KCNIP4: variants seen among roughly 807,000 people sequenced by gnomAD.
KCNIP4 encodes Kv channel-interacting protein 4.
A neutral mutation model predicts 34.0 loss-of-function variants in KCNIP4; 12 were observed. The ratio of observed to expected loss-of-function variants is 0.35; its 90% CI spans 0.23 to 0.57. KCNIP4 has a LOEUF of 0.57. KCNIP4 is among the 20% of genes least tolerant of loss of function. The pLI, the probability that KCNIP4 is intolerant of heterozygous loss-of-function variation, is 0.83. For synonymous variants in KCNIP4, 124 were observed against 102.2 expected (o/e 1.21, Z -1.29); for missense variants, 238 against 311.7 (o/e 0.76, Z 1.78).
chr4:20,777,799 G>A (rs1756501600), intron 3 of KCNIP4, among the ~76,000 whole-genome samples: 1 of 152,178 alleles, frequency 6.6e-6, no homozygotes, highest in Non-Finnish European at 1.5e-5. Context: ...GAGAAGTTGG[G>A]AAACCAGTAA....
At chr4:21,275,797 C>T (rs1454412329) in intron 1 of KCNIP4, among the ~76,000 whole-genome samples, 3 of 152,210 alleles carry the variant, frequency 2.0e-5, no homozygotes, top group Non-Finnish European at 2.9e-5. Flanking sequence ...ATTCCAATTG[C>T]GGAGGCTTTG....
chr4:21,119,921 T>G (rs893781410), intron 1 of KCNIP4, among the ~76,000 whole-genome samples: 10 of 152,070 alleles, frequency 6.6e-5, no homozygotes, highest in African/African-American at 2.4e-4. Flanking sequence ...CTTTGTGAGG[T>G]TTAGAAACAC....
chr4:21,283,335 C>A (rs906232556), intron 1 of KCNIP4, among the ~76,000 whole-genome samples: 1 of 152,022 alleles, frequency 6.6e-6, no homozygotes, highest in Non-Finnish European at 1.5e-5. Context: ...ATTTTTCCTT[C>A]ATAAAATTAT....
At chr4:21,922,282 A>T (rs1728979982) in intron 1 of KCNIP4, among the ~76,000 whole-genome samples, 1 of 152,126 alleles carries the variant, frequency 6.6e-6, no homozygotes, top group Admixed American at 6.5e-5. Flanking sequence ...CCTTCCCAAC[A>T]AGCACTGTCT....
intron 1 of KCNIP4, among the ~76,000 whole-genome samples, chr4:21,103,680 C>T (rs892061618): frequency 6.6e-6 from 1 of 150,792 alleles, no homozygotes; most frequent in African/African-American, 2.4e-5. Flanking sequence ...GTGTGCTGCA[C>T]CAATTAACTC....
chr4:20,816,217 G>A (rs1280105888), intron 3 of KCNIP4, among the ~76,000 whole-genome samples: 1 of 147,904 alleles, frequency 6.8e-6, no homozygotes, highest in Non-Finnish European at 1.5e-5. Flanking sequence ...TTGCACCCCT[G>A]CACTCCAGCC....
At chr4:21,575,365 G>A (rs941833872) in intron 1 of KCNIP4, among the ~76,000 whole-genome samples, 1 of 152,138 alleles carries the variant, frequency 6.6e-6, no homozygotes, top group African/African-American at 2.4e-5. Context: ...TACATTAGGG[G>A]TTGGATTTTC....
At chr4:21,563,202 T>C (rs1319704915) in intron 1 of KCNIP4, among the ~76,000 whole-genome samples, 3 of 152,032 alleles carry the variant, frequency 2.0e-5, no homozygotes, top group Non-Finnish European at 4.4e-5. Context: ...CATTTGTATA[T>C]ATTGGCAGAA....
At position 21,559,712 on chromosome 4, in the gene KCNIP4, T is replaced by C. The variant is rs74857471; in HGVS notation, c.61+388859A>G. ...GACCTTCTAGACTATGCAGAGAAAG[T>C]ATCAACCATATTTTACTAATGAGAA... On this transcript the variant is annotated intron_variant, in intron 1 of 8. Coordinates refer to ENST00000382152, the MANE Select transcript of KCNIP4 (RefSeq NM_025221.6). Among the ~76,000 whole-genome samples the C allele has an allele frequency of 8.0e-3, 1,217 of 152,168 alleles. 18 individuals are homozygous for C. Among genetic ancestry groups the C allele is most frequent in the African/African-American group, 0.028 (1,146 of 41,512 alleles).
At chr4:21,915,547 C>T (rs1728581515) in intron 1 of KCNIP4, among the ~76,000 whole-genome samples, 1 of 152,184 alleles carries the variant, frequency 6.6e-6, no homozygotes. Context: ...CCTCCACAAT[C>T]ATCATATATG....
At chr4:21,682,823 T>G (rs2109026806) in intron 1 of KCNIP4, among the ~76,000 whole-genome samples, 1 of 152,262 alleles carries the variant, frequency 6.6e-6, no homozygotes, top group South Asian at 2.1e-4. Flanking sequence ...CACACAACAT[T>G]TATTGATTAC....
At chr4:21,203,732 A>G (rs75933505) in intron 1 of KCNIP4, among the ~76,000 whole-genome samples, 1 of 152,242 alleles carries the variant, frequency 6.6e-6, no homozygotes, top group Non-Finnish European at 1.5e-5. Flanking sequence ...TACTATGCCC[A>G]TGATGCAACT....
In KCNIP4 at chr4:21,143,244, G is replaced by A. The variant is rs79780913; in HGVS notation, c.62-260535C>T. 6.5e-3 allele frequency among the ~76,000 whole-genome samples: 987 copies of A among 152,304 alleles called. 12 individuals are homozygous for A. Among genetic ancestry groups the A allele is most frequent in the African/African-American group, 0.022 (915 of 41,564 alleles). Reference sequence around the variant, plus strand: ...TTAAAAGTGGAGAACAGAGAACTTCGTCCACTGGTGGCAGGGGGAGAAACA... The same window carrying A: ...TTAAAAGTGGAGAACAGAGAACTTCATCCACTGGTGGCAGGGGGAGAAACA... On this transcript the variant is annotated intron_variant, in intron 1 of 8. Coordinates refer to ENST00000382152, the MANE Select transcript of KCNIP4 (RefSeq NM_025221.6).
intron 1 of KCNIP4, among the ~76,000 whole-genome samples, chr4:21,399,424 C>A (rs1723280368): frequency 6.6e-6 from 1 of 152,156 alleles, no homozygotes; most frequent in South Asian, 2.1e-4. Context: ...AGAGTAGAAG[C>A]CAGAGCTGAG....
intron 1 of KCNIP4, among the ~76,000 whole-genome samples, chr4:21,257,545 T>G (rs1400543727): frequency 2.6e-5 from 4 of 151,990 alleles, no homozygotes; most frequent in Non-Finnish European, 5.9e-5. Flanking sequence ...GTCAGGAGTT[T>G]GAGGCCAGCC....
At chr4:20,900,965 T>C (rs897773361) in intron 1 of KCNIP4, among the ~76,000 whole-genome samples, 2 of 152,198 alleles carry the variant, frequency 1.3e-5, no homozygotes, top group African/African-American at 4.8e-5. Context: ...AGCAAACACA[T>C]TGAATTCAAT....
At chr4:21,123,720 T>C (rs1316628857) in intron 1 of KCNIP4, among the ~76,000 whole-genome samples, 7 of 151,970 alleles carry the variant, frequency 4.6e-5, no homozygotes, top group African/African-American at 1.7e-4. Flanking sequence ...GGTTATTGGG[T>C]TGAGATAAGG....
chr4:21,444,540 A>G (rs1238837032), intron 1 of KCNIP4, among the ~76,000 whole-genome samples: 1 of 152,218 alleles, frequency 6.6e-6, no homozygotes, highest in Non-Finnish European at 1.5e-5. Context: ...GATTATCTCA[A>G]TAGATGCAGA....
intron 1 of KCNIP4, among the ~76,000 whole-genome samples, chr4:21,948,183 T>C (rs1023985209): frequency 6.6e-6 from 1 of 152,098 alleles, no homozygotes; most frequent in African/African-American, 2.4e-5. Context: ...AAGGCGAGGA[T>C]CAATACTATT....
Sources: gnomAD v4.1 joint callset for allele counts (sites outside exome capture counted in the v4.1 genomes callset) on GRCh38, gnomAD v4.1.1 for gene constraint, MANE v1.5 for transcripts, NCBI Gene and HGNC (gene_info 2026-07-23, HGNC 2026-07-21) for gene names.